The following WDR49 variants were observed in gnomAD, a reference collection of about 807,000 sequenced individuals.
WDR49 encodes the protein cilia- and flagella-associated protein 337.
In WDR49, 107 loss-of-function variants were observed where a neutral mutation model predicts 119.5. That is an observed-to-expected ratio of 0.90 (90% CI 0.77 to 1.05). WDR49 has a LOEUF of 1.05. Among genes scored for constraint, WDR49 ranks in the 50% least tolerant of loss-of-function variants. The pLI is 0.00. For missense variants in WDR49, 1,240 were observed against 1,220.5 expected (o/e 1.02, Z -0.24); for synonymous variants, 425 against 418.8 (o/e 1.01, Z -0.18).
intron 18 of WDR49, among the ~76,000 whole-genome samples, chr3:167,484,392 A>G (rs771578512): frequency 1.6e-4 from 24 of 152,116 alleles, no homozygotes; most frequent in Admixed American, 1.2e-3. Context: ...ACATGTATTC[A>G]TATGTAACAA....
At chr3:167,509,500 CTTTAG>C in intron 16 of WDR49, among the ~76,000 whole-genome samples, 1 of 152,186 alleles carries the variant, frequency 6.6e-6, no homozygotes, top group African/African-American at 2.4e-5. Flanking sequence ...TAATCAAAAA[CTTTAG>C]TTTAAAGCAA....
At chr3:167,541,349 T>A in intron 10 of WDR49, among the ~76,000 whole-genome samples, 1 of 152,152 alleles carries the variant, frequency 6.6e-6, no homozygotes, top group East Asian at 1.9e-4. Flanking sequence ...TAACAGTAGA[T>A]TTCTCAGCAG....
In WDR49 at chr3:167,537,365, G is replaced by A. The variant is rs925579616; in HGVS notation, c.1824-365C>T. 1.1e-4 allele frequency among the ~76,000 whole-genome samples: 17 copies of A among 152,190 alleles called. 1 individual carries two copies. The highest frequency in any genetic ancestry group is 1.1e-3 in the Admixed American group (17 of 15,272). On this transcript the variant is annotated intron_variant, in intron 10 of 18. Transcript: ENST00000682715. ...ATAGCAATAACAATTAAAAGAGGGG[G>A]CAGGCCTATGAACAAATAATGTTTT... is the stretch of plus-strand genomic sequence containing the variant.
intron 8 of WDR49, among the ~76,000 whole-genome samples, chr3:167,568,848 A>G (rs1378740216): frequency 6.6e-6 from 1 of 152,236 alleles, no homozygotes; most frequent in African/African-American, 2.4e-5. Context: ...TAAGTATCAC[A>G]TGGCATTTTA....
At position 167,653,241 on chromosome 3, in the gene WDR49, T is replaced by C. The variant is rs1414246632; in HGVS notation, c.165+20A>G. The C allele has an allele frequency of 6.5e-7, 1 of 1,536,040 alleles. No homozygotes were observed. Among genetic ancestry groups the C allele is most frequent in the Admixed American group, 2.0e-5 (1 of 50,986 alleles). On this transcript the variant is annotated intron_variant, in intron 2 of 18. Coordinates refer to ENST00000682715, the MANE Select transcript of WDR49 (RefSeq NM_001366157.1). The stretch of plus-strand genomic sequence containing the variant: ...TTCATGAACAACTCAAACTATCTGG[T>C]CAATAAGCTTCACACTTACCTCAAA...
At chr3:167,620,340 A>C in intron 5 of WDR49, 89 bp downstream of exon 5, 1 of 1,336,652 alleles carries the variant, frequency 7.5e-7, no homozygotes, top group Non-Finnish European at 9.8e-7. Context: ...TCTAGACTTA[A>C]AGGTTTTGTG....
intron 2 of WDR49, chr3:167,633,628 A>G (rs974309753): frequency 2.6e-6 from 1 of 381,042 alleles, no homozygotes; most frequent in Non-Finnish European, 5.1e-6. Context: ...AGTTGCTACA[A>G]ATTCTTAGTT....
At chr3:167,613,630 G>T (rs1169646734) in intron 5 of WDR49, among the ~76,000 whole-genome samples, 1 of 152,038 alleles carries the variant, frequency 6.6e-6, no homozygotes, top group Non-Finnish European at 1.5e-5. Context: ...AAATTTTCTG[G>T]CACTTGTTCC....
chr3:167,581,181 G>C (rs1340544680), intron 7 of WDR49, among the ~76,000 whole-genome samples: 2 of 152,046 alleles, frequency 1.3e-5, no homozygotes, highest in East Asian at 1.9e-4. Context: ...ATATCATATA[G>C]CTTTTCAAAT....
intron 10 of WDR49, among the ~76,000 whole-genome samples, chr3:167,549,562 TG>T (rs887256755): frequency 3.9e-5 from 6 of 152,216 alleles, no homozygotes; most frequent in Non-Finnish European, 5.9e-5. Context: ...CTTGTAAATT[TG>T]TTTAAGTTCT....
At position 167,597,475 on chromosome 3, in the gene WDR49, C is replaced by A. The variant is rs540003943; in HGVS notation, c.1275+4652G>T. On this transcript the variant is annotated intron_variant, in intron 7 of 18. Transcript: ENST00000682715. The stretch of plus-strand genomic sequence containing the variant: ...GGGGTTAGAGCTCCCACAGATAGTC[C>A]CCCTGGGGCACTGACTAGTGGAGCT... Among the ~76,000 whole-genome samples, 5 of 152,234 alleles carry A rather than the reference C, an allele frequency of 3.3e-5. No individual in the cohort carries two copies. The East Asian group carries it at 9.7e-4, about 29-fold the overall frequency.
chr3:167,486,736 G>A (rs1750935888), intron 18 of WDR49, among the ~76,000 whole-genome samples: 2 of 151,948 alleles, frequency 1.3e-5, no homozygotes, highest in Non-Finnish European at 2.9e-5. Context: ...CATAAAACAA[G>A]TTCTTGGCCT....
intron 5 of WDR49, among the ~76,000 whole-genome samples, chr3:167,615,356 A>G (rs1716543676): frequency 6.6e-6 from 1 of 151,788 alleles, no homozygotes; most frequent in African/African-American, 2.4e-5. Context: ...GGCTGGTCTC[A>G]AACTCCTAGG....
intron 8 of WDR49, among the ~76,000 whole-genome samples, chr3:167,565,412 C>T (rs7619527): frequency 0.049 from 7,125 of 146,834 alleles, 251 homozygotes; most frequent in Middle Eastern, 0.091. Context: ...CACACACACA[C>T]TTATATGTAA....
intron 11 of WDR49, among the ~76,000 whole-genome samples, chr3:167,533,320 ACT>A (rs1752915111): frequency 6.6e-6 from 1 of 151,962 alleles, no homozygotes; most frequent in African/African-American, 2.4e-5. Context: ...ATGTTATTTA[ACT>A]CTGCTTGATG....
intron 11 of WDR49, among the ~76,000 whole-genome samples, chr3:167,535,709 C>T (rs1174814324): frequency 6.6e-6 from 1 of 152,066 alleles, no homozygotes; most frequent in Non-Finnish European, 1.5e-5. Flanking sequence ...ATAGAACTAC[C>T]ATATGATCCA....
chr3:167,497,427 C>A (rs149416768), intron 18 of WDR49, among the ~76,000 whole-genome samples: 2 of 152,122 alleles, frequency 1.3e-5, no homozygotes, highest in African/African-American at 4.8e-5. Context: ...AATAAGAAAT[C>A]CAGGGGAAAA....
At chr3:167,501,218 A>T (rs1010005386) in intron 17 of WDR49, among the ~76,000 whole-genome samples, 2 of 152,342 alleles carry the variant, frequency 1.3e-5, no homozygotes, top group Non-Finnish European at 2.9e-5. Flanking sequence ...GCTATGTCAA[A>T]TTAGAGAAGA....
chr3:167,654,434 A>G (rs139476078), upstream of WDR49, among the ~76,000 whole-genome samples: 48 of 152,322 alleles, frequency 3.2e-4, no homozygotes, highest in African/African-American at 1.1e-3. Context: ...TTGCAGTGTC[A>G]TTACTGGTTC....
Sources: allele counts gnomAD v4.1 joint callset (sites outside exome capture counted in the v4.1 genomes callset), GRCh38; gene constraint gnomAD v4.1.1; transcripts MANE v1.5; gene names NCBI Gene and HGNC (gene_info 2026-07-23, HGNC 2026-07-21).